MYO6: variants seen among roughly 807,000 people sequenced by gnomAD.
MYO6 encodes the protein unconventional myosin-VI.
A neutral mutation model predicts 178.7 loss-of-function variants in MYO6; 74 were observed. The ratio of observed to expected loss-of-function variants is 0.41; its 90% confidence interval spans 0.34 to 0.50. MYO6 has a LOEUF of 0.50. Ranked by LOEUF, MYO6 falls within the 20% of genes least tolerant of loss-of-function variation. The probability of loss-of-function intolerance (pLI) is 0.09; values close to 1 mark genes in which losing one functional copy is unlikely to be tolerated. For missense variants in MYO6, 1,330 were observed against 1,547.4 expected (o/e 0.86, Z 2.36); for synonymous variants, 477 against 504.6 (o/e 0.95, Z 0.73).
Position 75,911,672 on chromosome 6 carries a change from A to G in MYO6, c.3413A>G (p.Asp1138Gly). 1.9e-6 allele frequency: 3 copies of G among 1,611,410 alleles called. No homozygotes were observed. Among genetic ancestry groups the G allele is most frequent in the Non-Finnish European group, 2.5e-6 (3 of 1,177,860 alleles). ...QRAPKSVTDYDFAPFLNNSPQ... is the reference protein window; with the variant it reads ...QRAPKSVTDYGFAPFLNNSPQ... ...TTCAACATAAAATATTTGTTCACAG[A>G]TTTTGCACCATTTTTGAACAATTCA... The change falls in exon 33 of 35, where the codon GAT (aspartate) becomes GGT (glycine). Residue 1138 changes from aspartate (D) to glycine (G), a missense_variant and splice_region_variant. Physicochemically the swap from Asp to Gly is moderately conservative, Grantham distance 94. Transcript: ENST00000369977.
chr6:75,764,057 T>C (rs1778181647), intron 1 of MYO6, among the ~76,000 whole-genome samples: 2 of 152,260 alleles, frequency 1.3e-5, no homozygotes, highest in South Asian at 4.1e-4. Flanking sequence ...TTTCTTTTTT[T>C]GTTTTTTAGA....
At chr6:75,905,397 A>G (rs183257915) in intron 30 of MYO6, among the ~76,000 whole-genome samples, 18 of 152,264 alleles carry the variant, frequency 1.2e-4, no homozygotes, top group African/African-American at 3.9e-4. Context: ...CCTCCGAGCC[A>G]TGTGCGGGAT....
chr6:75,867,027 A>C lies in MYO6; in HGVS notation c.1866A>C (p.Glu622Asp), dbSNP rs540720345. The C allele has an allele frequency of 1.2e-6, 2 of 1,613,340 alleles. No individual in the cohort carries two copies. Among genetic ancestry groups the C allele is most frequent in the Admixed American group, 3.3e-5 (2 of 60,002 alleles). The change falls in exon 18 of 35, where the codon GAA (glutamate) becomes GAC (aspartate). Residue 622 changes from glutamate to aspartate, a missense_variant. Physicochemically the swap from Glu to Asp is conservative, Grantham distance 45. Transcript: ENST00000369977. ...ATAAGTTTATACGGGAATTATTTGA[A>C]TCATCCACAAATAACAACAAAGATA... is the stretch of plus-strand genomic sequence containing the variant. ...SRDKFIRELF[E>D]SSTNNNKDTK...
chr6:75,889,483 C>T (rs1000886702), intron 25 of MYO6, among the ~76,000 whole-genome samples: 1 of 152,242 alleles, frequency 6.6e-6, no homozygotes, highest in Non-Finnish European at 1.5e-5. Context: ...TCTCGGTTCA[C>T]TGTAACCTCC....
intron 30 of MYO6, among the ~76,000 whole-genome samples, chr6:75,907,303 G>GTA (rs1166096267): frequency 6.6e-6 from 1 of 152,044 alleles, no homozygotes; most frequent in Non-Finnish European, 1.5e-5. Context: ...TTAAGTGTTC[G>GTA]TATATATATT....
rs1252912172 is a variant in MYO6, at chr6:75,805,021, A to ATATATTT, written c.-47-12479_-47-12478insATATTTT. Among the ~76,000 whole-genome samples, 75 of 77,286 alleles carry ATATATTT rather than the reference A, an allele frequency of 9.7e-4. 2 individuals are homozygous for ATATATTT. Among genetic ancestry groups the ATATATTT allele is most frequent in the African/African-American group, 7.0e-3 (69 of 9,848 alleles). The allele number at this position is 77,286 out of a possible 152,430, so 50.7% of individuals were successfully genotyped here. On this transcript the variant is annotated intron_variant, in intron 1 of 34. Coordinates refer to ENST00000369977, the MANE Select transcript of MYO6 (RefSeq NM_004999.4). The stretch of plus-strand genomic sequence containing the variant: ...CACACACATATATATATATATATAT[A>ATATATTT]TTTTTTTTTTTTTTTTTTTTGAGAC...
chr6:75,855,028 C>A, intron 11 of MYO6, 111 bp from the exon 12 acceptor site: 1 of 951,266 alleles, frequency 1.1e-6, no homozygotes, highest in Non-Finnish European at 1.6e-6. Flanking sequence ...TACAAATAAG[C>A]CTTGCCTATT....
intron 1 of MYO6, among the ~76,000 whole-genome samples, chr6:75,783,962 T>A (rs530491834): frequency 7.9e-5 from 12 of 152,170 alleles, no homozygotes; most frequent in East Asian, 1.9e-4. Context: ...GGGACTTTTT[T>A]ATTTTTATTT....
At chr6:75,869,282 C>T (rs1776949228) in intron 18 of MYO6, among the ~76,000 whole-genome samples, 1 of 151,940 alleles carries the variant, frequency 6.6e-6, no homozygotes, top group Admixed American at 6.6e-5. Context: ...AAATCCATTC[C>T]ATTTTAATAA....
rs775187645 is a variant in MYO6, at chr6:75,855,260, G to T, written c.1200G>T (p.Gly400=). The part of the protein sequence containing the change: ...LTTRVMLTTA[G]GTKGTVIKVP... Reference sequence around the variant, plus strand: ...CAAGAGTCATGCTAACAACAGCAGGGGGCACCAAAGGAACAGTTATAAAGT... The same window carrying T: ...CAAGAGTCATGCTAACAACAGCAGGTGGCACCAAAGGAACAGTTATAAAGT... Residue 400 remains glycine (G), a synonymous_variant, in exon 12 of 35, where the codon GGG becomes GGT. Coordinates refer to ENST00000369977, the MANE Select transcript of MYO6 (RefSeq NM_004999.4). 4 of 1,613,494 alleles carry T rather than the reference G, an allele frequency of 2.5e-6. No individual in the cohort carries two copies. Among genetic ancestry groups the T allele is most frequent in the Admixed American group, 1.7e-5 (1 of 59,968 alleles).
At chr6:75,774,555 T>TA (rs1310607984) in intron 1 of MYO6, among the ~76,000 whole-genome samples, 1 of 152,122 alleles carries the variant, frequency 6.6e-6, no homozygotes, top group East Asian at 1.9e-4. Context: ...AATATTGAAA[T>TA]ACATTAAAGC....
At chr6:75,811,841 T>C (rs1207620319) in intron 1 of MYO6, among the ~76,000 whole-genome samples, 1 of 152,148 alleles carries the variant, frequency 6.6e-6, no homozygotes, top group Non-Finnish European at 1.5e-5. Flanking sequence ...TGGGTGCCAG[T>C]AGAACAGTGA....
chr6:75,910,507 A>T (rs1780681401), intron 32 of MYO6, among the ~76,000 whole-genome samples: 1 of 152,250 alleles, frequency 6.6e-6, no homozygotes, highest in East Asian at 1.9e-4. Context: ...TTTGTAATAT[A>T]TTATTTAAGA....
intron 20 of MYO6, among the ~76,000 whole-genome samples, chr6:75,876,139 C>G (rs1457378033): frequency 6.6e-6 from 1 of 152,140 alleles, no homozygotes; most frequent in Non-Finnish European, 1.5e-5. Flanking sequence ...CACATCTCAG[C>G]TCTGTCATCA....
chr6:75,750,351 T>C (rs1177807503), intron 1 of MYO6, among the ~76,000 whole-genome samples: 1 of 152,070 alleles, frequency 6.6e-6, no homozygotes, highest in Non-Finnish European at 1.5e-5. Flanking sequence ...CGCCTCGGTC[T>C]CCCAAAGTGC....
intron 1 of MYO6, among the ~76,000 whole-genome samples, chr6:75,790,093 A>G (rs865976416): frequency 2.0e-5 from 3 of 152,082 alleles, no homozygotes; most frequent in African/African-American, 7.2e-5. Flanking sequence ...GCGGAATACT[A>G]TTTACCTGTA....
At chr6:75,773,561 A>G (rs571059388) in intron 1 of MYO6, among the ~76,000 whole-genome samples, 1 of 152,324 alleles carries the variant, frequency 6.6e-6, no homozygotes, top group African/African-American at 2.4e-5. Context: ...TTTGCCTGCT[A>G]TGTAGAGGCA....
At chr6:75,865,628 G>A (rs1776600773) in intron 16 of MYO6, among the ~76,000 whole-genome samples, 1 of 151,964 alleles carries the variant, frequency 6.6e-6, no homozygotes, top group South Asian at 2.1e-4. Context: ...GCCTCCCGAA[G>A]TGCTAGGATT....
intron 1 of MYO6, among the ~76,000 whole-genome samples, chr6:75,778,085 C>G (rs60446850): frequency 6.6e-6 from 1 of 151,886 alleles, no homozygotes; most frequent in Non-Finnish European, 1.5e-5. Context: ...ATCTTAAACT[C>G]CTGGGCTTGA....
Sources: gnomAD v4.1 joint callset for allele counts (sites outside exome capture counted in the v4.1 genomes callset) on GRCh38, gnomAD v4.1.1 for gene constraint, MANE v1.5 for transcripts, NCBI Gene and HGNC (gene_info 2026-07-23, HGNC 2026-07-21) for gene names.